The following TTC39B variants were observed in gnomAD, a reference collection of about 807,000 sequenced individuals.
TTC39B encodes the protein tetratricopeptide repeat domain 39B.
Under a neutral mutation model 96.6 loss-of-function variants are expected in TTC39B, and 92 were observed. The ratio of observed to expected loss-of-function variants is 0.95; its 90% CI spans 0.80 to 1.13. The LOEUF is 1.13. Among genes scored for constraint, TTC39B ranks in the 50% most tolerant of loss-of-function variants. The pLI, the probability that TTC39B is intolerant of heterozygous loss-of-function variation, is 0.00. For synonymous variants in TTC39B, 367 were observed against 299.4 expected, an observed-to-expected ratio of 1.23 and a Z score of -2.33; for missense variants, 955 against 809.3, an observed-to-expected ratio of 1.18 and a Z score of -2.18.
At chr9:15,266,883 T>A (rs565311184) in intron 2 of TTC39B, among the ~76,000 whole-genome samples, 4 of 152,050 alleles carry the variant, frequency 2.6e-5, no homozygotes, top group African/African-American at 9.6e-5. Context: ...ATGGAGACCA[T>A]CCTGGCTAAC....
At chr9:15,197,718 G>C (rs1448129040) in intron 8 of TTC39B, among the ~76,000 whole-genome samples, 1 of 151,956 alleles carries the variant, frequency 6.6e-6, no homozygotes, top group Non-Finnish European at 1.5e-5. Context: ...GAGACCCAAA[G>C]ATACAAACTA....
chr9:15,217,826 A>G (rs1820605921), intron 3 of TTC39B, among the ~76,000 whole-genome samples: 1 of 152,108 alleles, frequency 6.6e-6, no homozygotes, highest in African/African-American at 2.4e-5. Context: ...TAAGAACCTA[A>G]AGTAGCTACC....
At chr9:15,234,912 T>C (rs894821023) in intron 2 of TTC39B, among the ~76,000 whole-genome samples, 11 of 152,044 alleles carry the variant, frequency 7.2e-5, no homozygotes, top group African/African-American at 2.4e-4. Flanking sequence ...CAGGGTCCTC[T>C]GCCTAGGAAA....
intron 2 of TTC39B, among the ~76,000 whole-genome samples, chr9:15,261,564 C>T (rs916130233): frequency 6.6e-6 from 1 of 152,132 alleles, no homozygotes; most frequent in Non-Finnish European, 1.5e-5. Context: ...CCTCCATGAC[C>T]CAACTTCATT....
In TTC39B at chr9:15,226,300, C is replaced by T. The variant is rs75667166; in HGVS notation, c.276-288G>A. ...GATAGGATTGTATCTTGTATATATC[C>T]GTCCAGGTTTTTTCCCAAGTAAATC... On this transcript the variant is annotated intron_variant, in intron 2 of 19. Transcript: ENST00000512701. Among the ~76,000 whole-genome samples, 208 of 152,114 alleles carry T rather than the reference C, an allele frequency of 1.4e-3. 4 individuals carry two copies. The East Asian group carries it at 0.035, about 25-fold the overall frequency.
rs542269364 is a variant in TTC39B at position 15,232,911 on chromosome 9, G to A, written c.276-6899C>T. 5.2e-3 allele frequency among the ~76,000 whole-genome samples: 788 copies of A among 152,276 alleles called. 9 individuals are homozygous for A. Among genetic ancestry groups the A allele is most frequent in the African/African-American group, 0.019 (772 of 41,560 alleles). Reference sequence around the variant, plus strand: ...TGCTGCAGGGCCAGTGGTGCCGGGAGACGACGGCGGCCGCTCAGGCACGGT... The same window carrying A: ...TGCTGCAGGGCCAGTGGTGCCGGGAAACGACGGCGGCCGCTCAGGCACGGT... On this transcript the variant is annotated intron_variant, in intron 2 of 19. Coordinates refer to ENST00000512701, the Ensembl canonical transcript of TTC39B.
chr9:15,288,789 C>T (rs148816762), intron 1 of TTC39B, among the ~76,000 whole-genome samples: 2 of 152,332 alleles, frequency 1.3e-5, no homozygotes, highest in East Asian at 1.9e-4. Context: ...TGGATGCTGC[C>T]GTGAGGCCGG....
intron 2 of TTC39B, among the ~76,000 whole-genome samples, chr9:15,262,964 G>A (rs1459470360): frequency 6.6e-6 from 1 of 152,210 alleles, no homozygotes; most frequent in Non-Finnish European, 1.5e-5. Flanking sequence ...AAGAGGAAAT[G>A]TGAGAAATAT....
At chr9:15,267,891 C>T (rs1335798841) in intron 2 of TTC39B, 23 bp downstream of exon 2, 7 of 1,596,596 alleles carry the variant, frequency 4.4e-6, no homozygotes, top group Non-Finnish European at 6.0e-6. Flanking sequence ...TTACTACATA[C>T]TTTTTATTAT....
At chr9:15,170,280 T>C (rs1817605617) in exon 20 of TTC39B, 1 of 98,646 alleles carries the variant, frequency 1.0e-5, no homozygotes, top group South Asian at 3.4e-4. Context: ...TACAGGTCCA[T>C]GTGGCAGGGA....
intron 1 of TTC39B, among the ~76,000 whole-genome samples, chr9:15,279,890 T>C (rs909587837): frequency 6.9e-6 from 1 of 144,484 alleles, no homozygotes; most frequent in Admixed American, 6.9e-5. Context: ...TTTTTTTCTT[T>C]TCTTTTTTTT....
chr9:15,253,025 A>C (rs1283812594), intron 2 of TTC39B, among the ~76,000 whole-genome samples: 1 of 152,214 alleles, frequency 6.6e-6, no homozygotes, highest in Non-Finnish European at 1.5e-5. Context: ...TCCCAAACAT[A>C]CCATATGTAT....
chr9:15,185,925 T>C (rs546812834), intron 15 of TTC39B, among the ~76,000 whole-genome samples: 2 of 152,278 alleles, frequency 1.3e-5, no homozygotes, highest in South Asian at 4.1e-4. Context: ...TAAGAAAATG[T>C]TTCCCAAGCA....
rs76115199 is a variant in TTC39B, at chr9:15,205,366, T to C, written c.692-1476A>G. 1.2e-4 allele frequency among the ~76,000 whole-genome samples: 18 copies of C among 152,310 alleles called. No homozygotes were observed. The East Asian group carries it at 3.3e-3, about 28-fold the overall frequency. The stretch of plus-strand genomic sequence containing the variant: ...TAGACTTAGATGACAACAAGTACTT[T>C]CTTGCACTTATACACATAGATGCCA... On this transcript the variant is annotated intron_variant, in intron 6 of 19. Transcript: ENST00000512701.
chr9:15,243,630 C>T (rs540743876), intron 2 of TTC39B, among the ~76,000 whole-genome samples: 2 of 152,318 alleles, frequency 1.3e-5, no homozygotes, highest in Non-Finnish European at 2.9e-5. Context: ...GGAAAGCAGG[C>T]TGGGTACAGT....
intron 2 of TTC39B, among the ~76,000 whole-genome samples, chr9:15,240,993 T>C (rs936507392): frequency 6.6e-6 from 1 of 152,180 alleles, no homozygotes; most frequent in South Asian, 2.1e-4. Context: ...CGAACAATGA[T>C]TCATGCCTTA....
At chr9:15,245,263 C>T (rs552564846) in intron 2 of TTC39B, among the ~76,000 whole-genome samples, 1 of 152,300 alleles carries the variant, frequency 6.6e-6, no homozygotes, top group Admixed American at 6.5e-5. Context: ...CAGAAACCTT[C>T]ATTCACAAAC....
chr9:15,232,857 G>T (rs999118020), intron 2 of TTC39B, among the ~76,000 whole-genome samples: 1 of 152,168 alleles, frequency 6.6e-6, no homozygotes, highest in African/African-American at 2.4e-5. Context: ...CCACTTCATT[G>T]GAATCAGCCT....
exon 3 of TTC39B, chr9:15,225,944 C>T: frequency 6.2e-7 from 1 of 1,614,010 alleles, no homozygotes; most frequent in Non-Finnish European, 8.5e-7. Flanking sequence ...TCCGCGCTGT[C>T]TGGGCGCCTG....
Sources: allele counts gnomAD v4.1 joint callset (sites outside exome capture counted in the v4.1 genomes callset), GRCh38; gene constraint gnomAD v4.1.1; transcripts MANE v1.5; gene names NCBI Gene and HGNC (gene_info 2026-07-23, HGNC 2026-07-21).